Variants in PKIB observed in about 807,000 individuals in gnomAD.
The protein encoded by PKIB is PKI-beta.
PKIB carries 2 observed loss-of-function variants against 4.5 expected under a neutral mutation model. That is an observed-to-expected ratio of 0.44 (90% CI 0.18 to 1.39). The LOEUF (loss-of-function observed/expected upper bound fraction) is 1.39. PKIB is among the 40% of genes most tolerant of loss of function. The pLI is 0.27. For synonymous variants in PKIB, 38 were observed against 36.0 expected (o/e 1.06, Z -0.20); for missense variants, 94 against 92.6 (o/e 1.02, Z -0.06).
At chr6:122,523,299 A>G (rs1776999238) in intron 2 of PKIB, among the ~76,000 whole-genome samples, 1 of 152,050 alleles carries the variant, frequency 6.6e-6, no homozygotes, top group Non-Finnish European at 1.5e-5. Flanking sequence ...ACATTAATCT[A>G]TTTCTGTGTG....
At chr6:122,677,858 C>T (rs199663546) in intron 3 of PKIB, among the ~76,000 whole-genome samples, 1 of 40,138 alleles carries the variant, frequency 2.5e-5, no homozygotes, top group African/African-American at 5.9e-5. Context: ...TTCCTTCCTT[C>T]CTTCCTTCCT....
intron 2 of PKIB, among the ~76,000 whole-genome samples, chr6:122,634,815 G>C (rs181262870): frequency 6.6e-6 from 1 of 151,988 alleles, no homozygotes; most frequent in Non-Finnish European, 1.5e-5. Flanking sequence ...GATGGCGGGC[G>C]CCTGTATTCC....
At chr6:122,663,523 C>T (rs974941808) in intron 2 of PKIB, among the ~76,000 whole-genome samples, 1 of 152,190 alleles carries the variant, frequency 6.6e-6, no homozygotes, top group African/African-American at 2.4e-5. Flanking sequence ...GAAGCCTAAA[C>T]TCAAAGTGTT....
intron 3 of PKIB, among the ~76,000 whole-genome samples, chr6:122,677,896 TTTC>T (rs1777749258): frequency 1.3e-5 from 2 of 149,578 alleles, no homozygotes; most frequent in African/African-American, 2.5e-5. Flanking sequence ...CCTTCCTTTC[TTTC>T]TTTCTTTCCT....
At chr6:122,571,386 C>T (rs1773363192) in intron 2 of PKIB, among the ~76,000 whole-genome samples, 1 of 152,104 alleles carries the variant, frequency 6.6e-6, no homozygotes, top group Admixed American at 6.5e-5. Context: ...TATCAAAATA[C>T]AAGAAGCTTA....
chr6:122,669,591 A>G (rs908965706), intron 2 of PKIB, among the ~76,000 whole-genome samples: 5 of 152,022 alleles, frequency 3.3e-5, no homozygotes, highest in Non-Finnish European at 7.4e-5. Context: ...TTTCATCTGT[A>G]TATACTATAC....
chr6:122,586,895 A>G (rs1037895656), intron 3 of PKIB, among the ~76,000 whole-genome samples: 2 of 152,146 alleles, frequency 1.3e-5, no homozygotes, highest in African/African-American at 4.8e-5. Context: ...AACTGTTATA[A>G]CAAATTTCCC....
intron 3 of PKIB, among the ~76,000 whole-genome samples, chr6:122,601,527 G>T (rs943556427): frequency 1.3e-5 from 2 of 152,034 alleles, no homozygotes; most frequent in African/African-American, 4.8e-5. Flanking sequence ...ACACAGATTT[G>T]AACTGCGTGG....
In PKIB at chr6:122,538,272, G is replaced by C. The variant is rs527455383; in HGVS notation, c.-247-47649G>C. On this transcript the variant is annotated intron_variant, in intron 2 of 6. Transcript: ENST00000392491. ...CTTGCCCATGCCTATGTCCTGAATG[G>C]TATTGCCTAGGTTTTCTTCTAGGGT... Among the ~76,000 whole-genome samples, 702 of 152,098 alleles carry C rather than the reference G, an allele frequency of 4.6e-3. 6 individuals are homozygous for C. The highest frequency in any genetic ancestry group is 0.016 in the African/African-American group (654 of 41,402).
At chr6:122,588,755 C>T (rs1433897920) in intron 3 of PKIB, among the ~76,000 whole-genome samples, 1 of 152,054 alleles carries the variant, frequency 6.6e-6, no homozygotes, top group Non-Finnish European at 1.5e-5. Flanking sequence ...TATTCTTGTT[C>T]AGTGAATGAA....
chr6:122,719,864 T>G (rs1008066768), intron 4 of PKIB, among the ~76,000 whole-genome samples: 1 of 151,972 alleles, frequency 6.6e-6, no homozygotes, highest in Non-Finnish European at 1.5e-5. Flanking sequence ...ACAACATAAA[T>G]ATATATAATT....
chr6:122,628,245 C>T (rs2114810576), intron 1 of PKIB, among the ~76,000 whole-genome samples: 1 of 152,318 alleles, frequency 6.6e-6, no homozygotes, highest in Middle Eastern at 3.4e-3. Context: ...CCATGTGGGT[C>T]AGGCTGGTCT....
chr6:122,553,055 C>T (rs897380963), intron 2 of PKIB, among the ~76,000 whole-genome samples: 1 of 152,078 alleles, frequency 6.6e-6, no homozygotes, highest in African/African-American at 2.4e-5. Context: ...TATAAACTCT[C>T]CCTGTTCAAA....
At chr6:122,703,939 T>TAGAGAGAG (rs773860299) in intron 3 of PKIB, among the ~76,000 whole-genome samples, 3 of 103,198 alleles carry the variant, frequency 2.9e-5, no homozygotes, top group East Asian at 4.4e-4. Flanking sequence ...TATATATATA[T>TAGAGAGAG]ATAGAGAGAG....
At position 122,496,723 on chromosome 6, in the gene PKIB, A is replaced by T. The variant is rs545214969; in HGVS notation, c.-248+18784A>T. ...GAGCAAAGTCTCCAAGAAATATGAG[A>T]TTACTTAAAGTGACCAAGTCTATAA... On this transcript the variant is annotated intron_variant, in intron 2 of 6. Transcript: ENST00000392491. Among the ~76,000 whole-genome samples, 26 of 152,236 alleles carry T rather than the reference A, an allele frequency of 1.7e-4. 1 individual carries two copies. The highest frequency in any genetic ancestry group is 1.7e-3 in the Admixed American group (26 of 15,298).
chr6:122,715,376 A>G (rs527884777), intron 3 of PKIB, among the ~76,000 whole-genome samples: 4 of 152,174 alleles, frequency 2.6e-5, no homozygotes, highest in African/African-American at 9.6e-5. Context: ...AGGAAGAGAT[A>G]CTTGCAGCCA....
chr6:122,527,484 G>A (rs1042831969), intron 2 of PKIB, among the ~76,000 whole-genome samples: 3 of 152,028 alleles, frequency 2.0e-5, no homozygotes, highest in South Asian at 2.1e-4. Context: ...GCCATGGCAG[G>A]ATTTCTATTG....
At chr6:122,486,114 G>C (rs776932141) in intron 2 of PKIB, among the ~76,000 whole-genome samples, 1 of 152,088 alleles carries the variant, frequency 6.6e-6, no homozygotes, top group Admixed American at 6.5e-5. Context: ...AAATGTAGCT[G>C]ATAAATTGAA....
At chr6:122,708,311 G>T (rs1779140756) in intron 3 of PKIB, among the ~76,000 whole-genome samples, 1 of 151,990 alleles carries the variant, frequency 6.6e-6, no homozygotes, top group Non-Finnish European at 1.5e-5. Context: ...TTTTTCCTAT[G>T]CCATATTATC....
Sources: allele counts gnomAD v4.1 joint callset (sites outside exome capture counted in the v4.1 genomes callset), GRCh38; gene constraint gnomAD v4.1.1; transcripts MANE v1.5; gene names NCBI Gene and HGNC (gene_info 2026-07-23, HGNC 2026-07-21).